Variants in CLVS1 observed in about 807,000 individuals in gnomAD.
The protein encoded by CLVS1 is clavesin-1.
CLVS1 carries 10 observed loss-of-function variants against 33.1 expected under a neutral mutation model. The observed-to-expected ratio is 0.30, with a 90% CI of 0.19 to 0.51. The LOEUF is 0.51. Ranked by LOEUF, CLVS1 falls within the 20% of genes least tolerant of loss-of-function variation. The probability of loss-of-function intolerance (pLI) is 0.97; values close to 1 mark genes in which losing one functional copy is unlikely to be tolerated. For missense variants in CLVS1, 343 were observed against 433.4 expected, an observed-to-expected ratio of 0.79 and a Z score of 1.85; for synonymous variants, 163 against 166.1, an observed-to-expected ratio of 0.98 and a Z score of 0.14.
intron 2 of CLVS1, among the ~76,000 whole-genome samples, chr8:61,250,279 C>A (rs199975708): frequency 0.68 from 102,539 of 151,556 alleles, 37,230 homozygotes; most frequent in East Asian, 0.97. Context: ...TGGTCTATAT[C>A]TCTATTTTGG....
At chr8:61,075,354 G>A (rs974709283) in intron 1 of CLVS1, among the ~76,000 whole-genome samples, 2 of 152,182 alleles carry the variant, frequency 1.3e-5, no homozygotes, top group African/African-American at 4.8e-5. Flanking sequence ...TGACAGATCA[G>A]CAAGCACCCC....
the CLVS1 span, among the ~76,000 whole-genome samples, chr8:61,026,156 G>A: frequency 4.6e-5 from 7 of 152,098 alleles, no homozygotes; most frequent in African/African-American, 1.7e-4. Flanking sequence ...ATTAGGATGG[G>A]CTTTATCCAA....
the CLVS1 span, among the ~76,000 whole-genome samples, chr8:61,026,057 C>T: frequency 1.3e-5 from 2 of 150,290 alleles, no homozygotes; most frequent in African/African-American, 2.5e-5. Flanking sequence ...CTCCAATTCA[C>T]ATGTTGAAGT....
chr8:61,286,757 T>C (rs1040372566), upstream of CLVS1, among the ~76,000 whole-genome samples: 1 of 152,234 alleles, frequency 6.6e-6, no homozygotes, highest in African/African-American at 2.4e-5. Flanking sequence ...ATAAGTTTTC[T>C]AACCTTTTAG....
intron 1 of CLVS1, among the ~76,000 whole-genome samples, chr8:61,074,434 T>TTATA (rs200558957): frequency 7.7e-6 from 1 of 129,984 alleles, no homozygotes. Flanking sequence ...TATATATATG[T>TTATA]TATATATATA....
intron 1 of CLVS1, among the ~76,000 whole-genome samples, chr8:61,064,123 C>T (rs983893360): frequency 1.3e-5 from 2 of 152,198 alleles, no homozygotes; most frequent in African/African-American, 4.8e-5. Flanking sequence ...ACCCATCCAC[C>T]TCTTGGCAGA....
chr8:61,486,761 C>A (rs1803900548), intron 5 of CLVS1, among the ~76,000 whole-genome samples: 1 of 152,160 alleles, frequency 6.6e-6, no homozygotes, highest in South Asian at 2.1e-4. Context: ...AAAGTATCAT[C>A]ACCCCTTTCC....
At chr8:61,230,124 GT>G (rs1280394409) in intron 2 of CLVS1, among the ~76,000 whole-genome samples, 9 of 152,214 alleles carry the variant, frequency 5.9e-5, no homozygotes, top group African/African-American at 1.9e-4. Context: ...GGGAAGATAA[GT>G]GAGAGGGAGG....
chr8:61,477,946 AT>A (rs1225621408), intron 5 of CLVS1, among the ~76,000 whole-genome samples: 1 of 152,074 alleles, frequency 6.6e-6, no homozygotes, highest in African/African-American at 2.4e-5. Context: ...AGTGCTATAA[AT>A]TTCCCTCTAC....
the CLVS1 span, among the ~76,000 whole-genome samples, chr8:61,012,830 G>A: frequency 2.6e-5 from 4 of 152,130 alleles, no homozygotes; most frequent in South Asian, 6.2e-4. Flanking sequence ...ATCTAGGGAG[G>A]CATTATTACT....
At chr8:61,063,997 G>T (rs1185905457) in intron 1 of CLVS1, among the ~76,000 whole-genome samples, 12 of 152,086 alleles carry the variant, frequency 7.9e-5, no homozygotes, top group Admixed American at 7.9e-4. Flanking sequence ...TTTGTGTCTG[G>T]CTAGTTTAAC....
At chr8:61,193,530 A>G (rs916208639) in intron 2 of CLVS1, among the ~76,000 whole-genome samples, 2 of 151,946 alleles carry the variant, frequency 1.3e-5, no homozygotes, top group African/African-American at 4.8e-5. Context: ...AAAAAAAAAG[A>G]AAAACTCTTC....
intron 2 of CLVS1, among the ~76,000 whole-genome samples, chr8:61,190,477 A>C (rs554156981): frequency 6.6e-6 from 1 of 152,334 alleles, no homozygotes; most frequent in South Asian, 2.1e-4. Flanking sequence ...GGGAAGCAAG[A>C]GCAAACACAT....
At chr8:61,059,498 A>ATATATATATATATATATATG (rs1585578146) in intron 1 of CLVS1, among the ~76,000 whole-genome samples, 1 of 126,630 alleles carries the variant, frequency 7.9e-6, no homozygotes, top group East Asian at 2.5e-4. Context: ...ATATATATAT[A>ATATATATATATATATATATG]TACACATATC....
chr8:61,314,004 G>A (rs1210086969), intron 2 of CLVS1, among the ~76,000 whole-genome samples: 1 of 152,152 alleles, frequency 6.6e-6, no homozygotes, highest in Admixed American at 6.5e-5. Flanking sequence ...TAGTAAGGAT[G>A]TGCAAGCAGA....
chr8:61,275,847 T>C (rs1809552609), intron 2 of CLVS1, among the ~76,000 whole-genome samples: 1 of 152,172 alleles, frequency 6.6e-6, no homozygotes, highest in South Asian at 2.1e-4. Context: ...CTATGACAGG[T>C]TTAGAAATTA....
intron 2 of CLVS1, among the ~76,000 whole-genome samples, chr8:61,234,235 C>T (rs1808505537): frequency 1.3e-5 from 2 of 152,142 alleles, no homozygotes; most frequent in Non-Finnish European, 2.9e-5. Context: ...TGGATCTTGT[C>T]CTTGGCTTGG....
chr8:61,454,678 GC>G (rs1369076442), intron 4 of CLVS1, among the ~76,000 whole-genome samples: 5 of 152,284 alleles, frequency 3.3e-5, no homozygotes, highest in African/African-American at 1.2e-4. Context: ...ACTGCTAACT[GC>G]ATCACCTGTA....
At chr8:60,989,344 C>T in the CLVS1 span, among the ~76,000 whole-genome samples, 1 of 152,158 alleles carries the variant, frequency 6.6e-6, no homozygotes, top group Admixed American at 6.5e-5. Context: ...CCATGCCCAG[C>T]TAATTTTTTA....
Sources: gnomAD v4.1 joint callset for allele counts (sites outside exome capture counted in the v4.1 genomes callset) on GRCh38, gnomAD v4.1.1 for gene constraint, MANE v1.5 for transcripts, NCBI Gene and HGNC (gene_info 2026-07-23, HGNC 2026-07-21) for gene names.